Variants in RAB6A observed in about 807,000 individuals in gnomAD.
RAB6A encodes the protein ras-related protein Rab-6A.
In RAB6A, 8 loss-of-function variants were observed where a neutral mutation model predicts 32.3. The observed-to-expected ratio is 0.25, with a 90% CI of 0.15 to 0.45. The LOEUF is 0.45. Among genes scored for constraint, RAB6A ranks in the 20% least tolerant of loss-of-function variants. The pLI is 1.00. For synonymous variants in RAB6A, 73 were observed against 82.1 expected (o/e 0.89, Z 0.60); for missense variants, 104 against 249.4 (o/e 0.42, Z 3.93).
chr11:73,677,976 TAAG>T lies in RAB6A; in HGVS notation c.563-17_563-15del. On this transcript the variant is annotated splice_polypyrimidine_tract_variant and intron_variant, in intron 7 of 7. Coordinates refer to ENST00000336083, the MANE Select transcript of RAB6A (RefSeq NM_198896.2). ...TTATGTCAATCACTGAAACAAAAGT[TAAG>T]AAGCCATAAATGGGAAAGTACAATT... is the stretch of plus-strand genomic sequence containing the variant. 6.2e-7 allele frequency: 1 copy of T among 1,613,432 alleles called. No individual in the cohort carries two copies. Among genetic ancestry groups the T allele is most frequent in the Non-Finnish European group, 8.5e-7 (1 of 1,179,688 alleles).
chr11:73,703,362 TA>T lies in RAB6A; in HGVS notation c.495+4057del, dbSNP rs200343496. On this transcript the variant is annotated intron_variant, in intron 6 of 7. Transcript: ENST00000336083. Reference sequence around the variant, plus strand: ...AAACAATGCAGCTCTAAGAATCTGCTAAAAAAAAATAAAGTATATTATCATT... The same window carrying T: ...AAACAATGCAGCTCTAAGAATCTGCTAAAAAAAATAAAGTATATTATCATT... Among the ~76,000 whole-genome samples the T allele has an allele frequency of 2.9e-3, 442 of 151,314 alleles. 2 individuals carry two copies. The highest frequency in any genetic ancestry group is 4.5e-3 in the Non-Finnish European group (306 of 67,788).
intron 6 of RAB6A, among the ~76,000 whole-genome samples, chr11:73,705,671 A>C (rs1219849747): frequency 6.6e-6 from 1 of 152,064 alleles, no homozygotes; most frequent in African/African-American, 2.4e-5. Context: ...GGTATTACAC[A>C]AATTATTTAA....
At chr11:73,739,959 T>C (rs1286803374) in intron 1 of RAB6A, among the ~76,000 whole-genome samples, 3 of 151,260 alleles carry the variant, frequency 2.0e-5, no homozygotes, top group Non-Finnish European at 4.4e-5. Context: ...CTCAGGAGAC[T>C]GAGGCAGGAG....
intron 6 of RAB6A, chr11:73,704,163 C>T (rs750234416): frequency 4.9e-6 from 2 of 411,976 alleles, no homozygotes; most frequent in South Asian, 3.5e-5. Flanking sequence ...GGGAGGATCA[C>T]CTGAGTCTAG....
intron 2 of RAB6A, among the ~76,000 whole-genome samples, chr11:73,724,705 G>C (rs532442904): frequency 6.4e-4 from 97 of 152,220 alleles, no homozygotes; most frequent in Admixed American, 1.2e-3. Flanking sequence ...CCAACATGGT[G>C]TCGATCTCCA....
chr11:73,740,586 T>C (rs1455051445), intron 1 of RAB6A, among the ~76,000 whole-genome samples: 1 of 150,638 alleles, frequency 6.6e-6, no homozygotes, highest in African/African-American at 2.4e-5. Context: ...TAAAGTTAAT[T>C]TAAAAAAAAA....
intron 5 of RAB6A, among the ~76,000 whole-genome samples, chr11:73,710,705 C>T (rs972660875): frequency 1.3e-5 from 2 of 151,574 alleles, no homozygotes; most frequent in African/African-American, 4.9e-5. Context: ...CTATTGCACT[C>T]CAGCCTGGGC....
chr11:73,757,130 T>TATATATATATATA (rs57416985), intron 1 of RAB6A, among the ~76,000 whole-genome samples: 5 of 29,602 alleles, frequency 1.7e-4, no homozygotes, highest in African/African-American at 3.5e-4. Context: ...TATATATATA[T>TATATATATATATA]TTTTTTTTTT....
At chr11:73,712,197 T>C (rs1382646702) in intron 5 of RAB6A, among the ~76,000 whole-genome samples, 1 of 152,230 alleles carries the variant, frequency 6.6e-6, no homozygotes, top group African/African-American at 2.4e-5. Context: ...CCTTTAGAAT[T>C]TGTCCTAGTG....
chr11:73,687,860 G>GAA (rs71272252), intron 6 of RAB6A, among the ~76,000 whole-genome samples: 116 of 151,156 alleles, frequency 7.7e-4, no homozygotes, highest in African/African-American at 2.4e-3. Context: ...TCCATCTCAA[G>GAA]AAAAAAAAAG....
intron 2 of RAB6A, chr11:73,729,472 T>G (rs1414552509): frequency 6.6e-6 from 1 of 152,226 alleles, no homozygotes; most frequent in Non-Finnish European, 1.5e-5. Context: ...TCTTCTTTTT[T>G]TTCTTGGTCA....
intron 5 of RAB6A, among the ~76,000 whole-genome samples, chr11:73,709,806 AT>A (rs1945912528): frequency 6.9e-6 from 1 of 144,602 alleles, no homozygotes; most frequent in Admixed American, 7.3e-5. Flanking sequence ...ATGCTAAAAA[AT>A]GTAATGAATT....
intron 6 of RAB6A, among the ~76,000 whole-genome samples, chr11:73,683,134 C>T (rs77781647): frequency 0.016 from 2,389 of 152,012 alleles, 70 homozygotes; most frequent in African/African-American, 0.055. Flanking sequence ...ATAGTGACTA[C>T]AGAAACAATC....
intron 7 of RAB6A, 109 bp from the exon 8 acceptor site, chr11:73,678,071 A>C: frequency 8.9e-7 from 1 of 1,120,408 alleles, no homozygotes; most frequent in South Asian, 1.3e-5. Flanking sequence ...CAGAGCCTAC[A>C]CACTCACTAT....
chr11:73,706,239 G>T (rs1945839908), intron 6 of RAB6A, among the ~76,000 whole-genome samples: 1 of 152,012 alleles, frequency 6.6e-6, no homozygotes, highest in African/African-American at 2.4e-5. Context: ...GTCTAGGCCG[G>T]GCGTGGTGGC....
chr11:73,727,957 G>A (rs552141413), intron 2 of RAB6A, among the ~76,000 whole-genome samples: 1 of 152,158 alleles, frequency 6.6e-6, no homozygotes, highest in South Asian at 2.1e-4. Flanking sequence ...AGTAAATTAA[G>A]AGTAACTTGT....
intron 6 of RAB6A, among the ~76,000 whole-genome samples, chr11:73,707,172 A>G (rs1253841396): frequency 1.3e-5 from 2 of 151,808 alleles, no homozygotes; most frequent in Non-Finnish European, 2.9e-5. Flanking sequence ...AAAGCAATGT[A>G]GTAGGAATGT....
At chr11:73,747,121 AT>A (rs1946600836) in intron 1 of RAB6A, among the ~76,000 whole-genome samples, 1 of 151,840 alleles carries the variant, frequency 6.6e-6, no homozygotes, top group South Asian at 2.1e-4. Flanking sequence ...CTATTTGGAA[AT>A]TTTTTTGGCT....
chr11:73,714,084 C>T (rs899038251), intron 5 of RAB6A, among the ~76,000 whole-genome samples: 1 of 149,648 alleles, frequency 6.7e-6, no homozygotes, highest in South Asian at 2.1e-4. Context: ...TCCAGCTACT[C>T]GGGAGGCTGA....
Sources: allele counts gnomAD v4.1 joint callset (sites outside exome capture counted in the v4.1 genomes callset), GRCh38; gene constraint gnomAD v4.1.1; transcripts MANE v1.5; gene names NCBI Gene and HGNC (gene_info 2026-07-23, HGNC 2026-07-21).